Variants in AFAP1L2 observed in about 807,000 individuals in gnomAD.
The protein encoded by AFAP1L2 is actin filament associated protein 1 like 2.
AFAP1L2 carries 46 observed loss-of-function variants against 99.3 expected under a neutral mutation model. The observed-to-expected ratio is 0.46, with a 90% CI of 0.37 to 0.59. The LOEUF is 0.59. Among genes scored for constraint, AFAP1L2 ranks in the 20% least tolerant of loss-of-function variants. The pLI is 0.00. For missense variants in AFAP1L2, 959 were observed against 1,034.9 expected (o/e 0.93, Z 1.01); for synonymous variants, 397 against 419.1 (o/e 0.95, Z 0.64).
chr10:114,340,989 G>A (rs955317999), intron 1 of AFAP1L2, among the ~76,000 whole-genome samples: 6 of 152,234 alleles, frequency 3.9e-5, no homozygotes, highest in East Asian at 1.9e-4. Context: ...ACCAGGTGCT[G>A]GAAGAGTGAC....
At chr10:114,293,609 T>A (rs2039804316), downstream of AFAP1L2, among the ~76,000 whole-genome samples, 1 of 152,222 alleles carries the variant, frequency 6.6e-6, no homozygotes, top group Non-Finnish European at 1.5e-5. Flanking sequence ...AGAAATTAGC[T>A]TTAATTTTTA....
chr10:114,311,297 C>A (rs2043202447), intron 7 of AFAP1L2, among the ~76,000 whole-genome samples: 1 of 152,130 alleles, frequency 6.6e-6, no homozygotes, highest in Non-Finnish European at 1.5e-5. Context: ...CGGGGGAACT[C>A]CCAGGGCGAC....
chr10:114,287,479 T>C, the AFAP1L2 span, among the ~76,000 whole-genome samples: 1 of 152,168 alleles, frequency 6.6e-6, no homozygotes, highest in African/African-American at 2.4e-5. Flanking sequence ...AATGTAAGCC[T>C]TTATAGGGCT....
chr10:114,403,202 C>A (rs1400637083), intron 1 of AFAP1L2, among the ~76,000 whole-genome samples: 1 of 152,200 alleles, frequency 6.6e-6, no homozygotes, highest in East Asian at 1.9e-4. Flanking sequence ...TTAACCCTGT[C>A]CCCCACGCCG....
At chr10:114,336,886 C>A (rs1486231784) in intron 2 of AFAP1L2, among the ~76,000 whole-genome samples, 1 of 152,162 alleles carries the variant, frequency 6.6e-6, no homozygotes, top group Admixed American at 6.6e-5. Context: ...AAAAAAGAAA[C>A]AAAGATCAGA....
the AFAP1L2 span, among the ~76,000 whole-genome samples, chr10:114,288,425 A>T: frequency 6.6e-6 from 1 of 152,204 alleles, no homozygotes; most frequent in Non-Finnish European, 1.5e-5. Context: ...CATACTGGGG[A>T]TGGATGAAGG....
At chr10:114,402,222 G>A (rs528738161) in intron 1 of AFAP1L2, among the ~76,000 whole-genome samples, 71 of 152,286 alleles carry the variant, frequency 4.7e-4, no homozygotes, top group African/African-American at 1.7e-3. Flanking sequence ...AGCAAGAAGA[G>A]ACTACCGATT....
chr10:114,364,888 G>A (rs746506059), intron 1 of AFAP1L2, among the ~76,000 whole-genome samples: 15 of 152,042 alleles, frequency 9.9e-5, no homozygotes, highest in Non-Finnish European at 2.1e-4. Flanking sequence ...GCTCCTTCTC[G>A]GGTCATGAAT....
At chr10:114,284,997 T>C in the AFAP1L2 span, 6 of 1,532,880 alleles carry the variant, frequency 3.9e-6, no homozygotes, top group Non-Finnish European at 5.3e-6. Context: ...CCTGCAAGAC[T>C]GACCACTGGG....
At chr10:114,403,320 G>T (rs2058397407) in intron 1 of AFAP1L2, among the ~76,000 whole-genome samples, 1 of 152,174 alleles carries the variant, frequency 6.6e-6, no homozygotes, top group South Asian at 2.1e-4. Context: ...AAAAAGCAAT[G>T]GGAAAGTGAA....
chr10:114,316,773 C>T (rs1335199605), intron 5 of AFAP1L2, among the ~76,000 whole-genome samples: 1 of 152,198 alleles, frequency 6.6e-6, no homozygotes, highest in Admixed American at 6.5e-5. Context: ...ATTCATCCAT[C>T]CATCTATCCC....
chr10:114,294,538 T>G (rs2039896036), downstream of AFAP1L2, among the ~76,000 whole-genome samples: 1 of 152,204 alleles, frequency 6.6e-6, no homozygotes. Context: ...GTATGTTTCT[T>G]TTTTCCCAAG....
downstream of AFAP1L2, chr10:114,291,603 C>T (rs576970575): frequency 5.8e-4 from 130 of 225,300 alleles, no homozygotes; most frequent in Middle Eastern, 1.6e-3. Flanking sequence ...AGCGGCCTGA[C>T]GTTCCTTTGC....
chr10:114,286,155 AC>A, the AFAP1L2 span: 1 of 1,614,038 alleles, frequency 6.2e-7, no homozygotes, highest in East Asian at 2.2e-5. Flanking sequence ...GATGTGCCTG[AC>A]CTGGTCTGGA....
At chr10:114,308,098 T>G (rs1047304004) in intron 9 of AFAP1L2, among the ~76,000 whole-genome samples, 189 bp from the exon 10 acceptor site, 2 of 152,170 alleles carry the variant, frequency 1.3e-5, no homozygotes, top group Non-Finnish European at 2.9e-5. Context: ...CACAGTCAGG[T>G]GTCTTTAAAG....
At chr10:114,293,951 A>G (rs1018652629), downstream of AFAP1L2, among the ~76,000 whole-genome samples, 1 of 152,168 alleles carries the variant, frequency 6.6e-6, no homozygotes, top group African/African-American at 2.4e-5. Context: ...TCTATGGGTT[A>G]CTTATCAGTT....
chr10:114,291,352 A>G (rs1011340980), downstream of AFAP1L2: 7 of 1,278,632 alleles, frequency 5.5e-6, no homozygotes, highest in Admixed American at 1.1e-4. Flanking sequence ...CCAGGTCCTT[A>G]GAATGTCTGC....
the AFAP1L2 span, chr10:114,282,404 T>C: frequency 1.2e-6 from 1 of 842,250 alleles, no homozygotes. Context: ...AAGTCTTTCT[T>C]ACTTCTGCAT....
chr10:114,379,844 T>C (rs755275933), intron 1 of AFAP1L2, among the ~76,000 whole-genome samples: 20 of 152,224 alleles, frequency 1.3e-4, no homozygotes, highest in Non-Finnish European at 2.5e-4. Flanking sequence ...TTCCTTGCCT[T>C]ACAACTCCCC....
Sources: gnomAD v4.1 joint callset for allele counts (sites outside exome capture counted in the v4.1 genomes callset) on GRCh38, gnomAD v4.1.1 for gene constraint, MANE v1.5 for transcripts, NCBI Gene and HGNC (gene_info 2026-07-23, HGNC 2026-07-21) for gene names.